Variants in RASGRF2 observed in about 807,000 individuals in gnomAD.
RASGRF2 encodes the protein ras-specific guanine nucleotide-releasing factor 2.
Under a neutral mutation model 151.0 loss-of-function variants are expected in RASGRF2, and 76 were observed. The observed-to-expected ratio is 0.50, with a 90% CI of 0.42 to 0.61. The LOEUF is 0.61. Among genes scored for constraint, RASGRF2 ranks in the 20% least tolerant of loss-of-function variants. The pLI is 0.00. For missense variants in RASGRF2, 1,148 were observed against 1,564.6 expected, an observed-to-expected ratio of 0.73 and a Z score of 4.49; for synonymous variants, 504 against 566.5, an observed-to-expected ratio of 0.89 and a Z score of 1.57.
rs775140406 is a variant in RASGRF2, at chr5:81,154,530, A to G, written c.2687-25645A>G. On this transcript the variant is annotated intron_variant, in intron 17 of 26. Transcript: ENST00000265080. ...TAAGTGTAAGTTACAGCACCTGGCC[A>G]GAATATACATTATTTAAGGAAGACA... Among the ~76,000 whole-genome samples the G allele has an allele frequency of 9.9e-5, 15 of 152,218 alleles. 1 individual carries two copies. Among genetic ancestry groups the G allele is most frequent in the Non-Finnish European group, 1.9e-4 (13 of 68,038 alleles).
intron 1 of RASGRF2, among the ~76,000 whole-genome samples, chr5:81,042,031 T>G (rs948609482): frequency 6.6e-6 from 1 of 152,236 alleles, no homozygotes; most frequent in Non-Finnish European, 1.5e-5. Flanking sequence ...CTTTTTTTAA[T>G]TGCTGAGTAA....
chr5:81,028,813 G>T (rs1298764747), intron 1 of RASGRF2, among the ~76,000 whole-genome samples: 1 of 152,206 alleles, frequency 6.6e-6, no homozygotes, highest in African/African-American at 2.4e-5. Context: ...CAGACAGTGG[G>T]TGCAGCCCAT....
At position 81,229,195 on chromosome 5, in the gene RASGRF2, A is replaced by G. The variant is rs964797365; in HGVS notation, c.*3425A>G. On this transcript the variant is annotated 3_prime_UTR_variant, in exon 27 of 27. Transcript: ENST00000265080. ...TTTGATTTTATCCCCTTGAAAAAAA[A>G]TCTCTTCACTTTAAAGTATAAAGGT... is the stretch of plus-strand genomic sequence containing the variant. 2 of 152,128 alleles carry G rather than the reference A, an allele frequency of 1.3e-5. No homozygotes were observed. Among genetic ancestry groups the G allele is most frequent in the African/African-American group, 4.8e-5 (2 of 41,424 alleles). The allele number at this position is 152,128 out of a possible 1,614,324, so 9.4% of individuals were successfully genotyped here.
intron 1 of RASGRF2, among the ~76,000 whole-genome samples, chr5:81,030,685 A>G (rs1203203793): frequency 6.6e-6 from 1 of 152,212 alleles, no homozygotes; most frequent in Non-Finnish European, 1.5e-5. Flanking sequence ...AGTACCAGCC[A>G]CTGCAAAAAC....
chr5:81,118,493 G>A (rs984905849), intron 15 of RASGRF2, among the ~76,000 whole-genome samples: 2 of 152,174 alleles, frequency 1.3e-5, no homozygotes, highest in African/African-American at 4.8e-5. Flanking sequence ...GTCCTATCTT[G>A]TCTGAAAGAT....
chr5:81,007,456 A>G (rs1461960138), intron 1 of RASGRF2, among the ~76,000 whole-genome samples: 1 of 152,072 alleles, frequency 6.6e-6, no homozygotes, highest in African/African-American at 2.4e-5. Context: ...CTCTCCCTGG[A>G]GCTGCCTTGA....
chr5:81,076,231 G>A (rs1751933255), intron 5 of RASGRF2, among the ~76,000 whole-genome samples: 1 of 152,186 alleles, frequency 6.6e-6, no homozygotes, highest in South Asian at 2.1e-4. Flanking sequence ...TTTGAGAAGG[G>A]CTGCTGTAAA....
chr5:81,192,690 T>C (rs1282224524), intron 18 of RASGRF2, among the ~76,000 whole-genome samples: 1 of 152,100 alleles, frequency 6.6e-6, no homozygotes, highest in Non-Finnish European at 1.5e-5. Context: ...CTCAGAAGAG[T>C]TGAAAACCAC....
At chr5:81,030,174 T>C (rs1009570360) in intron 1 of RASGRF2, among the ~76,000 whole-genome samples, 2 of 152,212 alleles carry the variant, frequency 1.3e-5, no homozygotes, top group Non-Finnish European at 2.9e-5. Flanking sequence ...CTACGTCTGA[T>C]TGGTGTACCT....
intron 18 of RASGRF2, among the ~76,000 whole-genome samples, chr5:81,199,639 G>T (rs1328236968): frequency 6.6e-6 from 1 of 152,062 alleles, no homozygotes; most frequent in African/African-American, 2.4e-5. Flanking sequence ...TGCCTGTGCG[G>T]TGGCTCCCAG....
Position 81,208,347 on chromosome 5 carries a change from C to T in RASGRF2, c.3072-7C>T, listed in dbSNP as rs924621721. The T allele has an allele frequency of 3.1e-6, 5 of 1,612,608 alleles. No individual in the cohort carries two copies. The African/African-American group carries it at 6.7e-5, about 22-fold the overall frequency. The stretch of plus-strand genomic sequence containing the variant: ...AATTGGTTTTGTGTTTTGTTTTGAA[C>T]TTCCAGGGAGTTTCTTGGGCAGGGG... On this transcript the variant is annotated splice_polypyrimidine_tract_variant and splice_region_variant and intron_variant, in intron 21 of 26. Transcript: ENST00000265080.
At chr5:80,995,210 C>T (rs1479470299) in intron 1 of RASGRF2, among the ~76,000 whole-genome samples, 1 of 147,658 alleles carries the variant, frequency 6.8e-6, no homozygotes. Flanking sequence ...GAGCCGAGAT[C>T]GCGCCACTGC....
chr5:81,081,526 A>G (rs999509008), intron 7 of RASGRF2, among the ~76,000 whole-genome samples: 4 of 152,170 alleles, frequency 2.6e-5, no homozygotes, highest in Admixed American at 1.3e-4. Context: ...TTGTTTTGAA[A>G]AGTGTCGATT....
At chr5:81,010,686 A>G (rs543247175) in intron 1 of RASGRF2, among the ~76,000 whole-genome samples, 6 of 152,230 alleles carry the variant, frequency 3.9e-5, no homozygotes, top group Admixed American at 6.5e-5. Flanking sequence ...GCTTTCAGCT[A>G]TCAGCAAATG....
At chr5:81,216,282 T>C (rs1331856240) in intron 24 of RASGRF2, among the ~76,000 whole-genome samples, 1 of 152,144 alleles carries the variant, frequency 6.6e-6, no homozygotes, top group East Asian at 1.9e-4. Context: ...CTGTGAGTTT[T>C]ATTTAAATAT....
intron 1 of RASGRF2, among the ~76,000 whole-genome samples, chr5:80,972,829 T>C (rs2112221335): frequency 6.6e-6 from 1 of 152,322 alleles, no homozygotes; most frequent in Non-Finnish European, 1.5e-5. Flanking sequence ...TTTTATTGAA[T>C]TGTCTAATTG....
chr5:81,076,270 GA>G (rs564775014), intron 5 of RASGRF2, among the ~76,000 whole-genome samples: 101 of 152,312 alleles, frequency 6.6e-4, no homozygotes, highest in Non-Finnish European at 1.1e-3. Context: ...GTGGTACCTA[GA>G]GGCAAATGAA....
chr5:81,221,156 G>A lies in RASGRF2; in HGVS notation c.3621+1378G>A, dbSNP rs188670655. 2.4e-4 allele frequency among the ~76,000 whole-genome samples: 37 copies of A among 152,320 alleles called. No homozygotes were observed. In the East Asian group the frequency reaches 3.9e-3, roughly 16 times the overall value. Reference sequence around the variant, plus strand: ...TAGCTTGAATCGCCTGGCTAAGGTAGTGTTTGCTGGGTGTCTCCACTGTAA... The same window carrying A: ...TAGCTTGAATCGCCTGGCTAAGGTAATGTTTGCTGGGTGTCTCCACTGTAA... On this transcript the variant is annotated intron_variant, in intron 26 of 26. Transcript: ENST00000265080.
chr5:81,200,402 C>G (rs1446468669), intron 18 of RASGRF2, among the ~76,000 whole-genome samples: 2 of 152,044 alleles, frequency 1.3e-5, no homozygotes, highest in Non-Finnish European at 2.9e-5. Flanking sequence ...GCTTATTACT[C>G]TCATTATTCA....
Sources: gnomAD v4.1 joint callset for allele counts (sites outside exome capture counted in the v4.1 genomes callset) on GRCh38, gnomAD v4.1.1 for gene constraint, MANE v1.5 for transcripts, NCBI Gene and HGNC (gene_info 2026-07-23, HGNC 2026-07-21) for gene names.